DNAAF9: variants seen among roughly 807,000 people sequenced by gnomAD.
DNAAF9 encodes the protein dynein axonemal assembly factor 9.
A neutral mutation model predicts 167.0 loss-of-function variants in DNAAF9; 90 were observed. That is an observed-to-expected ratio of 0.54 (90% CI 0.45 to 0.64). The LOEUF (loss-of-function observed/expected upper bound fraction) is 0.64, where lower values mean the gene tolerates loss of function less well. DNAAF9 is among the 30% of genes least tolerant of loss of function. The pLI, the probability that DNAAF9 is intolerant of heterozygous loss-of-function variation, is 0.00. For synonymous variants in DNAAF9, 491 were observed against 508.8 expected (o/e 0.96, Z 0.47); for missense variants, 1,315 against 1,442.2 (o/e 0.91, Z 1.43).
chr20:3,278,495 C>T (rs760031961), intron 29 of DNAAF9, among the ~76,000 whole-genome samples: 32 of 152,034 alleles, frequency 2.1e-4, no homozygotes, highest in Non-Finnish European at 4.0e-4. Flanking sequence ...CCGAGGTGGG[C>T]GGACTACGAG....
chr20:3,274,619 A>G (rs2068648000), intron 29 of DNAAF9, among the ~76,000 whole-genome samples: 1 of 152,208 alleles, frequency 6.6e-6, no homozygotes, highest in African/African-American at 2.4e-5. Flanking sequence ...CCTCTGTAAG[A>G]TGGGAACCGT....
chr20:3,391,578 CTTTTTTTTTT>C (rs34396355), intron 1 of DNAAF9, among the ~76,000 whole-genome samples: 1 of 120,952 alleles, frequency 8.3e-6, no homozygotes, highest in East Asian at 2.4e-4. Flanking sequence ...TTTTTTCCTT[CTTTTTTTTTT>C]TTTTTTTTTG....
intron 28 of DNAAF9, among the ~76,000 whole-genome samples, chr20:3,279,913 A>T (rs1174053180): frequency 6.6e-6 from 1 of 152,228 alleles, no homozygotes; most frequent in African/African-American, 2.4e-5. Context: ...GCTGGCAGTT[A>T]TTAATGATGT....
In DNAAF9 at chr20:3,270,164, G is replaced by A. The variant is rs1314073346; in HGVS notation, c.2786+263C>T. ...TTTTTTTTTTTTTTTTTAAAGAGAT[G>A]GGGTCTTGCTCTGTCTCTCAGGCTG... On this transcript the variant is annotated intron_variant, in intron 30 of 36. Transcript: ENST00000252032. 2.2e-5 allele frequency among the ~76,000 whole-genome samples: 3 copies of A among 137,572 alleles called. No homozygotes were observed. In the East Asian group the frequency reaches 6.4e-4, roughly 29 times the overall value. The allele number at this position is 137,572 out of a possible 152,430, so 90.3% of individuals were successfully genotyped here.
rs376752749 is a variant in DNAAF9, at chr20:3,370,699, C to T, written c.612+3349G>A. ...CTCAGATTACAGGCTTGAGCCACCG[C>T]GCCCAGCCGTGCCCGACTAATTTTT... On this transcript the variant is annotated intron_variant, in intron 6 of 36. Transcript: ENST00000252032. Among the ~76,000 whole-genome samples, 16 of 152,278 alleles carry T rather than the reference C, an allele frequency of 1.1e-4. No homozygotes were observed. The East Asian group carries it at 2.1e-3, about 20-fold the overall frequency.
At position 3,350,891 on chromosome 20, in the gene DNAAF9, C is replaced by T. The variant is rs570420202; in HGVS notation, c.691-2268G>A. 4.6e-5 allele frequency among the ~76,000 whole-genome samples: 7 copies of T among 152,066 alleles called. No homozygotes were observed. The South Asian group carries it at 1.5e-3, about 32-fold the overall frequency. The stretch of plus-strand genomic sequence containing the variant: ...ATCTATGAGTTCAAAATACAATATA[C>T]ATATATACAATATATTTATGTATAT... On this transcript the variant is annotated intron_variant, in intron 7 of 36. Coordinates refer to ENST00000252032, the MANE Select transcript of DNAAF9 (RefSeq NM_001009984.3).
chr20:3,327,052 C>T (rs576747477), intron 12 of DNAAF9, among the ~76,000 whole-genome samples: 9 of 152,110 alleles, frequency 5.9e-5, no homozygotes, highest in Non-Finnish European at 1.0e-4. Flanking sequence ...CTGGAACCTC[C>T]GGGTAGGAGA....
In DNAAF9 at chr20:3,315,149, C is replaced by A. The variant is rs1372710634; in HGVS notation, c.1591-29G>T. The A allele has an allele frequency of 3.8e-6, 5 of 1,331,264 alleles. No homozygotes were observed. The highest frequency in any genetic ancestry group is 1.8e-4 in the Middle Eastern group (1 of 5,494). The allele number at this position is 1,331,264 out of a possible 1,614,324, so 82.5% of individuals were successfully genotyped here. The stretch of plus-strand genomic sequence containing the variant: ...TAAAAACAACAACAAAAACAAAAAT[C>A]CAAAAAAGAATAGGTGATTTATAGC... On this transcript the variant is annotated intron_variant, in intron 19 of 36. Transcript: ENST00000252032. This position sits in a 1 kb window ranked among gnomAD's most constrained non-coding sequence, Gnocchi z 4.1.
chr20:3,372,485 T>C (rs1052693217), intron 6 of DNAAF9, among the ~76,000 whole-genome samples: 28 of 152,174 alleles, frequency 1.8e-4, no homozygotes, highest in African/African-American at 6.7e-4. Flanking sequence ...AAAAACATCA[T>C]CCTAATGTAA....
chr20:3,308,514 T>C (rs932925583), intron 20 of DNAAF9, among the ~76,000 whole-genome samples: 3 of 151,912 alleles, frequency 2.0e-5, no homozygotes, highest in African/African-American at 7.2e-5. Flanking sequence ...CAGCTAATTT[T>C]TGTATTTTTA....
intron 1 of DNAAF9, among the ~76,000 whole-genome samples, chr20:3,407,115 G>T (rs2084070333): frequency 6.6e-6 from 1 of 152,120 alleles, no homozygotes; most frequent in Non-Finnish European, 1.5e-5. Context: ...GGAAGCCTCT[G>T]TGGGGTTCTG....
intron 6 of DNAAF9, among the ~76,000 whole-genome samples, chr20:3,366,965 A>C (rs546418082): frequency 2.6e-4 from 40 of 151,996 alleles, no homozygotes; most frequent in Non-Finnish European, 5.3e-4. Flanking sequence ...TAAAAATAAA[A>C]AAGAAAGTCC....
At position 3,287,800 on chromosome 20, in the gene DNAAF9, T is replaced by G; in HGVS notation, c.2328-10A>C. Reference sequence around the variant, plus strand: ...GCGATACACCATCCATCTGGAAAGGTAAAAGGTAACCTCTGCATGGGGGCC... The same window carrying G: ...GCGATACACCATCCATCTGGAAAGGGAAAAGGTAACCTCTGCATGGGGGCC... On this transcript the variant is annotated splice_polypyrimidine_tract_variant and intron_variant, in intron 26 of 36. Transcript: ENST00000252032. 6.2e-7 allele frequency: 1 copy of G among 1,613,850 alleles called. No individual in the cohort carries two copies. Among genetic ancestry groups the G allele is most frequent in the African/African-American group, 1.3e-5 (1 of 74,998 alleles).
intron 12 of DNAAF9, among the ~76,000 whole-genome samples, chr20:3,328,226 G>A (rs2069752086): frequency 7.2e-6 from 1 of 138,434 alleles, no homozygotes; most frequent in Admixed American, 7.4e-5. Context: ...CTGTCACCCA[G>A]GCTAGAGTAC....
At chr20:3,287,278 A>G (rs898530349) in intron 27 of DNAAF9, among the ~76,000 whole-genome samples, 1 of 152,200 alleles carries the variant, frequency 6.6e-6, no homozygotes, top group Non-Finnish European at 1.5e-5. Flanking sequence ...CTGCAATTCC[A>G]CAAGAGGGAG....
At chr20:3,321,203 G>C (rs2069609646) in intron 16 of DNAAF9, among the ~76,000 whole-genome samples, 1 of 152,256 alleles carries the variant, frequency 6.6e-6, no homozygotes, top group South Asian at 2.1e-4. Context: ...AATAATTATA[G>C]TCATGTATCA....
chr20:3,258,752 G>A (rs1307255696), intron 33 of DNAAF9, among the ~76,000 whole-genome samples: 1 of 152,082 alleles, frequency 6.6e-6, no homozygotes, highest in African/African-American at 2.4e-5. Flanking sequence ...CGCCTCACTT[G>A]TTATACAGCC....
At chr20:3,253,843 A>G (rs920295078) in intron 35 of DNAAF9, 24 bp from the exon 36 acceptor site, 1 of 1,265,562 alleles carries the variant, frequency 7.9e-7, no homozygotes, top group African/African-American at 1.5e-5. Context: ...GAGACCTGTA[A>G]TAATTATCTG....
chr20:3,330,791 C>CT (rs34084211), intron 11 of DNAAF9, 109 bp from the exon 12 acceptor site: 59,196 of 410,834 alleles, frequency 0.14, 43 homozygotes, highest in South Asian at 0.18. Context: ...AAGAACTACA[C>CT]TTTTTTTTTT....
Sources: allele counts gnomAD v4.1 joint callset (sites outside exome capture counted in the v4.1 genomes callset), GRCh38; gene constraint gnomAD v4.1.1; non-coding constraint Gnocchi (gnomAD v3.1); transcripts MANE v1.5; gene names NCBI Gene and HGNC (gene_info 2026-07-23, HGNC 2026-07-21).